TRIM47: variants seen among roughly 807,000 people sequenced by gnomAD.
TRIM47 encodes the protein E3 ubiquitin-protein ligase TRIM47.
Under a neutral mutation model 54.4 loss-of-function variants are expected in TRIM47, and 46 were observed. The observed-to-expected ratio is 0.84, with a 90% CI of 0.67 to 1.08. The LOEUF is 1.08. TRIM47 is among the 50% of genes least tolerant of loss of function. The pLI, the probability that TRIM47 is intolerant of heterozygous loss-of-function variation, is 0.00. For synonymous variants in TRIM47, 392 were observed against 410.2 expected, an observed-to-expected ratio of 0.96 and a Z score of 0.54; for missense variants, 825 against 910.1, an observed-to-expected ratio of 0.91 and a Z score of 1.20.
chr17:75,875,061 T>G lies in TRIM47; in HGVS notation c.1339A>C (p.Lys447Gln). ...GGACACAGCACCCTCTTGACACCTT[T>G]GGTTCCAAACAGCTGCAGGAACTTG... ...ADKFLQLFGT[K>Q]GVKRVLCPIN... Residue 447 changes from lysine to glutamine, a missense_variant, in exon 6 of 6, where the codon AAA (lysine) becomes CAA (glutamine). By Grantham distance (53) the Lys-to-Gln change is moderately conservative (BLOSUM62 1). Transcript: ENST00000254816. This position sits in a 1 kb window ranked among gnomAD's most constrained non-coding sequence, Gnocchi z 6.1. 2 of 1,611,788 alleles carry G rather than the reference T, an allele frequency of 1.2e-6. No individual in the cohort carries two copies. The highest frequency in any genetic ancestry group is 1.7e-6 in the Non-Finnish European group (2 of 1,178,070).
At position 75,876,766 on chromosome 17, in the gene TRIM47, C is replaced by G. The variant is rs765605882; in HGVS notation, c.723G>C (p.Glu241Asp). 6.2e-7 allele frequency: 1 copy of G among 1,614,216 alleles called. No homozygotes were observed. Among genetic ancestry groups the G allele is most frequent in the Non-Finnish European group, 8.5e-7 (1 of 1,180,036 alleles). The change falls in exon 2 of 6, where the codon GAG becomes GAC. Residue 241 changes from glutamate to aspartate, a missense_variant. Physicochemically the swap from Glu to Asp is conservative, Grantham distance 45. Transcript: ENST00000254816. ...TGGACTGTGCAATGCCAGCACCCAG[C>G]TCGTCCATGCGGTCCTCCACGGCGC... ...VLSAVEDRMD[E>D]LGAGIAQSRR...
Position 75,878,288 on chromosome 17 carries a change from GGACCCGGGGCCC to G in TRIM47, c.249_260del (p.Ser87_Gly90del). ...CCAGGGCAGGGGCCGGGCCGGGGCC[GGACCCGGGGCCC>G]GAGCCCTGGCGGAGCTGCAGCAGCT... On this transcript the variant is annotated inframe_deletion, in exon 1 of 6. Coordinates refer to ENST00000254816, the MANE Select transcript of TRIM47 (RefSeq NM_033452.3). 1 of 1,266,140 alleles carries G rather than the reference GGACCCGGGGCCC, an allele frequency of 7.9e-7. No homozygotes were observed. The highest frequency in any genetic ancestry group is 1.0e-6 in the Non-Finnish European group (1 of 1,004,856). The allele number at this position is 1,266,140 out of a possible 1,614,324, so 78.4% of individuals were successfully genotyped here.
intron 2 of TRIM47, 70 bp downstream of exon 2, chr17:75,876,648 T>C: frequency 1.3e-6 from 2 of 1,581,518 alleles, no homozygotes; most frequent in Admixed American, 3.4e-5. Context: ...CAGGGGACAC[T>C]TGTGCTCAGT....
At chr17:75,877,803 A>G in intron 1 of TRIM47, 71 bp downstream of exon 1, 1 of 1,277,764 alleles carries the variant, frequency 7.8e-7, no homozygotes, top group Non-Finnish European at 9.9e-7. Flanking sequence ...TGGGGGGTCC[A>G]AGGTCCTCGG....
Position 75,874,595 on chromosome 17 carries a change from G to T in TRIM47, c.1805C>A (p.Ala602Glu). ...PFQSRLDSHF[A>E]GLFTHRLKPA... ...CTTGAGTCTGTGGGTGAAGAGCCCC[G>T]CAAAGTGACTGTCCAGGCGGCTCTG... The change falls in exon 6 of 6, where the codon GCG becomes GAG. Residue 602 changes from alanine to glutamate, a missense_variant. Coordinates refer to ENST00000254816, the MANE Select transcript of TRIM47 (RefSeq NM_033452.3). This position sits in a 1 kb window ranked among gnomAD's most constrained non-coding sequence, Gnocchi z 6.2. 6.5e-7 allele frequency: 1 copy of T among 1,549,836 alleles called. No individual in the cohort carries two copies. Among genetic ancestry groups the T allele is most frequent in the South Asian group, 1.2e-5 (1 of 81,852 alleles).
chr17:75,874,878 A>G lies in TRIM47; in HGVS notation c.1522T>C (p.Tyr508His). 6.2e-7 allele frequency: 1 copy of G among 1,614,130 alleles called. No individual in the cohort carries two copies. The highest frequency in any genetic ancestry group is 1.1e-5 in the South Asian group (1 of 91,088). The change falls in exon 6 of 6, where the codon TAC becomes CAC. Residue 508 changes from tyrosine to histidine, a missense_variant. By Grantham distance (83) the Tyr-to-His change is moderately conservative. Transcript: ENST00000254816. This position sits in a 1 kb window ranked among gnomAD's most constrained non-coding sequence, Gnocchi z 6.2. ...MAEDFSPQEPYDRGRLGRNAH... is the reference protein window; with the variant it reads ...MAEDFSPQEPHDRGRLGRNAH... The stretch of plus-strand genomic sequence containing the variant: ...TTGCGGCCCAGCCGGCCGCGGTCGT[A>G]GGGCTCTTGTGGGGAGAAGTCTTCG...
rs769444530 is a variant in TRIM47, at chr17:75,878,078, G to T, written c.471C>A (p.Gly157=). 9.9e-5 allele frequency: 133 copies of T among 1,342,576 alleles called. No individual in the cohort carries two copies. In the African/African-American group the frequency reaches 1.9e-3, roughly 20 times the overall value. The allele number at this position is 1,342,576 out of a possible 1,614,324, so 83.2% of individuals were successfully genotyped here. ...CLASFCPAHL[G]PHERSPALRG... is the part of the protein sequence containing the mutation. ...GGAGGGCGGGGCTGCGCTCGTGCGG[G>T]CCCAGGTGCGCGGGGCAAAAGGAGG... The change falls in exon 1 of 6, where the codon GGC becomes GGA. Residue 157 remains glycine, a synonymous_variant. Coordinates refer to ENST00000254816, the MANE Select transcript of TRIM47 (RefSeq NM_033452.3).
chr17:75,877,708 G>A (rs1004671299), intron 1 of TRIM47, 166 bp downstream of exon 1: 11 of 1,234,776 alleles, frequency 8.9e-6, no homozygotes, highest in Admixed American at 4.2e-5. Context: ...CTCCATCACC[G>A]CCAGCAGATG....
In TRIM47 at chr17:75,875,454, G is replaced by A. The variant is rs1337176380; in HGVS notation, c.1222C>T (p.Leu408Phe). The stretch of plus-strand genomic sequence containing the variant: ...CTCTCCAAGAGGTTCGTACTCTCGA[G>A]GTCTTGGGGCTCAGCATCAGCTGTA... ...DSEADAEPQD[L>F]ESTNLLESEA... The change falls in exon 5 of 6, where the codon CTC (leucine) becomes TTC (phenylalanine). Residue 408 changes from leucine (L) to phenylalanine (F), a missense_variant. Leu to Phe is a conservative substitution (Grantham distance 22, BLOSUM62 0). Transcript: ENST00000254816. The surrounding 1 kb of genome is among the most constrained non-coding windows in gnomAD (Gnocchi z 6.1). 6.2e-7 allele frequency: 1 copy of A among 1,614,096 alleles called. No homozygotes were observed. Among genetic ancestry groups the A allele is most frequent in the African/African-American group, 1.3e-5 (1 of 75,022 alleles).
At position 75,875,010 on chromosome 17, in the gene TRIM47, G is replaced by T. The variant is rs752505775; in HGVS notation, c.1390C>A (p.Arg464Ser). The T allele has an allele frequency of 2.5e-6, 4 of 1,614,090 alleles. No homozygotes were observed. Among genetic ancestry groups the T allele is most frequent in the Non-Finnish European group, 2.5e-6 (3 of 1,179,994 alleles). ...AGCACCTGCTCACAATGGGTGAAGC[G>T]GGTGGGCGACAAGGGGTAGTTGATA... ...CPINYPLSPT[R>S]FTHCEQVLGE... The change falls in exon 6 of 6, where the codon CGC (arginine) becomes AGC (serine). Residue 464 changes from arginine (R) to serine (S), a missense_variant. By Grantham distance (110) the Arg-to-Ser change is moderately radical. Coordinates refer to ENST00000254816, the MANE Select transcript of TRIM47 (RefSeq NM_033452.3). The surrounding 1 kb of genome is among the most constrained non-coding windows in gnomAD (Gnocchi z 6.1).
Position 75,876,500 on chromosome 17 carries a change from G to C in TRIM47, c.772-8C>G, listed in dbSNP as rs368039377. On this transcript the variant is annotated splice_region_variant and splice_polypyrimidine_tract_variant and intron_variant, in intron 2 of 5. Coordinates refer to ENST00000254816, the MANE Select transcript of TRIM47 (RefSeq NM_033452.3). ...CTCTGCTACGGCTGCACTCTGCACAGGACGACAGTAGAGGGGGCAATGAGG... is the reference window on the plus strand; with the variant it reads ...CTCTGCTACGGCTGCACTCTGCACACGACGACAGTAGAGGGGGCAATGAGG... 1.8e-5 allele frequency: 28 copies of C among 1,591,848 alleles called. No homozygotes were observed. In the African/African-American group the frequency reaches 3.1e-4, roughly 18 times the overall value.
rs746105783 is a variant in TRIM47 at position 75,878,542 on chromosome 17, C to G, written c.7G>C (p.Gly3Arg). The change falls in exon 1 of 6, where the codon GGC becomes CGC. Residue 3 changes from glycine (G) to arginine (R), a missense_variant. Gly to Arg is a moderately radical substitution (Grantham distance 125). Coordinates refer to ENST00000254816, the MANE Select transcript of TRIM47 (RefSeq NM_033452.3). ...ATGGGGCAGCTGAAGGGTCCACTGCCGTCCATGACTCCGCGGCCGCCCAGG... is the reference window on the plus strand; with the variant it reads ...ATGGGGCAGCTGAAGGGTCCACTGCGGTCCATGACTCCGCGGCCGCCCAGG... MD[G>R]SGPFSCPICL... is the part of the protein sequence containing the mutation. 12 of 1,286,882 alleles carry G rather than the reference C, an allele frequency of 9.3e-6. No individual in the cohort carries two copies. The highest frequency in any genetic ancestry group is 9.9e-6 in the Non-Finnish European group (10 of 1,010,706). 79.7% of individuals were successfully genotyped at this position (1,286,882 alleles called of 1,614,324 possible). A position where few individuals can be genotyped will look rare whatever the true frequency, so the allele number is the denominator to read the frequency against.
Position 75,875,583 on chromosome 17 carries a change from G to T in TRIM47, c.1202-109C>A, listed in dbSNP as rs2065128524. The T allele has an allele frequency of 2.0e-6, 2 of 1,004,798 alleles. No homozygotes were observed. The highest frequency in any genetic ancestry group is 5.0e-5 in the East Asian group (2 of 40,080). The allele number at this position is 1,004,798 out of a possible 1,614,324, so 62.2% of individuals were successfully genotyped here. A position where few individuals can be genotyped will look rare whatever the true frequency, so the allele number is the denominator to read the frequency against. ...CCTCCCAGAGTCCAGAGCCACCAGG[G>T]AGCAAGCACCACCCAGATGTGGCAC... On this transcript the variant is annotated intron_variant, in intron 4 of 5. Coordinates refer to ENST00000254816, the MANE Select transcript of TRIM47 (RefSeq NM_033452.3). The surrounding 1 kb of genome is among the most constrained non-coding windows in gnomAD (Gnocchi z 6.1).
At position 75,874,665 on chromosome 17, in the gene TRIM47, G is replaced by A. The variant is rs778714456; in HGVS notation, c.1735C>T (p.Arg579Trp). Reference protein sequence around the residue: ...MSLLRRLKASRPRRGGIPASP... With the variant: ...MSLLRRLKASWPRRGGIPASP... ...GCCGGGATGCCACCCCGGCGGGGCC[G>A]GGAGGCCTTCAGCCTCCGCAGGAGG... The change falls in exon 6 of 6, where the codon CGG becomes TGG. Residue 579 changes from arginine (R) to tryptophan (W), a missense_variant. Coordinates refer to ENST00000254816, the MANE Select transcript of TRIM47 (RefSeq NM_033452.3). The surrounding 1 kb of genome is among the most constrained non-coding windows in gnomAD (Gnocchi z 6.2). 4.8e-5 allele frequency: 77 copies of A among 1,598,800 alleles called. No homozygotes were observed. Among genetic ancestry groups the A allele is most frequent in the Non-Finnish European group, 5.2e-5 (61 of 1,170,532 alleles).
rs1383080119 is a variant in TRIM47 at position 75,877,921 on chromosome 17, G to A, written c.628C>T (p.Arg210Cys). Residue 210 changes from arginine (R) to cysteine (C), a missense_variant, in exon 1 of 6, where the codon CGC (arginine) becomes TGC (cysteine). By Grantham distance (180) the Arg-to-Cys change is radical. Coordinates refer to ENST00000254816, the MANE Select transcript of TRIM47 (RefSeq NM_033452.3). ...LCEACAAQEH[R>C]GHELVPLEQE... ...TCCAGCGGCACCAGCTCGTGGCCGC[G>A]GTGCTCCTGTGCGGCGCAGGCCTCG... The A allele has an allele frequency of 2.1e-6, 3 of 1,431,990 alleles. No homozygotes were observed. 88.7% of individuals were successfully genotyped at this position (1,431,990 alleles called of 1,614,324 possible).
In TRIM47 at chr17:75,874,763, G is replaced by A; in HGVS notation, c.1637C>T (p.Pro546Leu). ...GTATTCCAGGCAGACCCCAACCGTG[G>A]GCGAGAAGGGGTGGGGCAGGGGAGC... The part of the protein sequence containing the change: ...LEAPLPHPFS[P>L]TVGVCLEYAD... Residue 546 changes from proline (P) to leucine (L), a missense_variant, in exon 6 of 6, where the codon CCC (proline) becomes CTC (leucine). Transcript: ENST00000254816. This position sits in a 1 kb window ranked among gnomAD's most constrained non-coding sequence, Gnocchi z 6.2. The A allele has an allele frequency of 6.2e-7, 1 of 1,614,036 alleles. No individual in the cohort carries two copies. Among genetic ancestry groups the A allele is most frequent in the Non-Finnish European group, 8.5e-7 (1 of 1,180,012 alleles).
intron 1 of TRIM47, chr17:75,877,345 C>T (rs893045271): frequency 1.2e-5 from 2 of 162,908 alleles, no homozygotes; most frequent in Admixed American, 1.3e-4. Flanking sequence ...GGCGCCAAGA[C>T]CGGGCTGGAG....
rs1306763876 is a variant in TRIM47 at position 75,878,194 on chromosome 17, G to T, written c.355C>A (p.Pro119Thr). ...ACTGGCTCTTCGCCCGCGGGCCACG[G>T]CTCGGGAGCGCAGGGGGCCGACGGC... ...PEPSAPCAPE[P>T]WPAGEEPVRC... The change falls in exon 1 of 6, where the codon CCG becomes ACG. Residue 119 changes from proline (P) to threonine (T), a missense_variant. Transcript: ENST00000254816. 8 of 1,227,896 alleles carry T rather than the reference G, an allele frequency of 6.5e-6. No homozygotes were observed. Among genetic ancestry groups the T allele is most frequent in the Non-Finnish European group, 8.1e-6 (8 of 985,862 alleles). The allele number at this position is 1,227,896 out of a possible 1,614,324, so 76.1% of individuals were successfully genotyped here.
At position 75,878,051 on chromosome 17, in the gene TRIM47, G is replaced by A. The variant is rs1263791507; in HGVS notation, c.498C>T (p.Arg166=). Residue 166 remains arginine, a synonymous_variant, in exon 1 of 6, where the codon CGC becomes CGT. Transcript: ENST00000254816. ...LGPHERSPAL[R]GHRLVPPLRR... ...GCAGCGGCGGCACCAGGCGGTGTCC[G>A]CGGAGGGCGGGGCTGCGCTCGTGCG... 7.1e-7 allele frequency: 1 copy of A among 1,400,406 alleles called. No individual in the cohort carries two copies. Among genetic ancestry groups the A allele is most frequent in the Non-Finnish European group, 9.3e-7 (1 of 1,080,598 alleles). 86.7% of individuals were successfully genotyped at this position (1,400,406 alleles called of 1,614,324 possible). A position where few individuals can be genotyped will look rare whatever the true frequency, so the allele number is the denominator to read the frequency against.
Sources: allele counts gnomAD v4.1 joint callset, GRCh38; gene constraint gnomAD v4.1.1; non-coding constraint Gnocchi (gnomAD v3.1); transcripts MANE v1.5; gene names NCBI Gene and HGNC (gene_info 2026-07-23, HGNC 2026-07-21).